The following UBE2E2 variants were observed in gnomAD, a reference collection of about 807,000 sequenced individuals.
UBE2E2 encodes the protein ubiquitin conjugating enzyme E2 E2.
Under a neutral mutation model 24.7 loss-of-function variants are expected in UBE2E2, and 6 were observed. The ratio of observed to expected loss-of-function variants is 0.24; its 90% CI spans 0.13 to 0.48. The LOEUF (loss-of-function observed/expected upper bound fraction) is 0.48. Ranked by LOEUF, UBE2E2 falls within the 20% of genes least tolerant of loss-of-function variation. The pLI, the probability that UBE2E2 is intolerant of heterozygous loss-of-function variation, is 0.99. For missense variants in UBE2E2, 169 were observed against 245.0 expected, an observed-to-expected ratio of 0.69 and a Z score of 2.07; for synonymous variants, 104 against 83.6, an observed-to-expected ratio of 1.24 and a Z score of -1.33.
intron 3 of UBE2E2, among the ~76,000 whole-genome samples, chr3:23,312,110 A>AT (rs141913025): frequency 0.048 from 7,280 of 152,190 alleles, 271 homozygotes; most frequent in Non-Finnish European, 0.072. Context: ...TCTCCTACTC[A>AT]TAACATGTGA....
chr3:23,218,932 A>G (rs1696553741), intron 3 of UBE2E2, among the ~76,000 whole-genome samples: 1 of 152,172 alleles, frequency 6.6e-6, no homozygotes, highest in Non-Finnish European at 1.5e-5. Flanking sequence ...TAGTGACATC[A>G]TTACTAGTTC....
chr3:23,264,829 A>C (rs559600827), intron 3 of UBE2E2, among the ~76,000 whole-genome samples: 1 of 152,302 alleles, frequency 6.6e-6, no homozygotes, highest in South Asian at 2.1e-4. Context: ...CATATTATTA[A>C]GCTTGCAAGT....
intron 3 of UBE2E2, among the ~76,000 whole-genome samples, chr3:23,292,075 G>T (rs1030750494): frequency 2.0e-5 from 3 of 151,926 alleles, no homozygotes; most frequent in Non-Finnish European, 2.9e-5. Context: ...AACCAGGATG[G>T]TCTTGATCTC....
intron 5 of UBE2E2, among the ~76,000 whole-genome samples, chr3:23,581,206 C>T (rs1055201309): frequency 6.6e-6 from 1 of 152,024 alleles, no homozygotes; most frequent in African/African-American, 2.4e-5. Context: ...TATAGGCATG[C>T]ACCACCACAC....
intron 3 of UBE2E2, among the ~76,000 whole-genome samples, chr3:23,398,987 AC>A (rs1260244637): frequency 1.3e-5 from 2 of 152,150 alleles, no homozygotes; most frequent in Non-Finnish European, 2.9e-5. Context: ...ATGTTCCAAG[AC>A]CCCAGTGGAT....
At chr3:23,486,559 C>CCTGAG (rs1699377140) in intron 3 of UBE2E2, among the ~76,000 whole-genome samples, 1 of 152,136 alleles carries the variant, frequency 6.6e-6, no homozygotes, top group South Asian at 2.1e-4. Flanking sequence ...GCCCATGGCT[C>CCTGAG]CTGAGCTGAC....
At chr3:23,428,407 GAAATTT>G (rs1303779385) in intron 3 of UBE2E2, among the ~76,000 whole-genome samples, 2 of 152,134 alleles carry the variant, frequency 1.3e-5, no homozygotes, top group Non-Finnish European at 2.9e-5. Flanking sequence ...TGTTTAGAAG[GAAATTT>G]AAAGCATTGA....
intron 2 of UBE2E2, among the ~76,000 whole-genome samples, chr3:23,216,850 G>C (rs1412832991): frequency 6.6e-6 from 1 of 152,150 alleles, no homozygotes; most frequent in East Asian, 1.9e-4. Context: ...GTTGGAATGA[G>C]ATCCCGAATC....
At chr3:23,567,247 A>C (rs1268945924) in intron 5 of UBE2E2, among the ~76,000 whole-genome samples, 1 of 152,202 alleles carries the variant, frequency 6.6e-6, no homozygotes, top group East Asian at 1.9e-4. Flanking sequence ...GGGATATAGT[A>C]AGAGTTTGAA....
intron 3 of UBE2E2, among the ~76,000 whole-genome samples, chr3:23,487,766 C>T (rs1435741027): frequency 1.3e-5 from 2 of 152,112 alleles, no homozygotes; most frequent in Non-Finnish European, 2.9e-5. Context: ...CTTTCTTTAC[C>T]ACCATGTTAC....
At chr3:23,327,297 A>G (rs1005845621) in intron 3 of UBE2E2, among the ~76,000 whole-genome samples, 43 of 152,190 alleles carry the variant, frequency 2.8e-4, no homozygotes, top group South Asian at 4.1e-4. Context: ...CCAACAGTGT[A>G]AAAGTGTTCC....
At chr3:23,431,860 T>C (rs939741765) in intron 3 of UBE2E2, among the ~76,000 whole-genome samples, 2 of 152,190 alleles carry the variant, frequency 1.3e-5, no homozygotes, top group Admixed American at 6.5e-5. Context: ...CAAAATATTT[T>C]CAGTAAGAAT....
chr3:23,419,845 A>G (rs1697750687), intron 3 of UBE2E2, among the ~76,000 whole-genome samples: 1 of 152,192 alleles, frequency 6.6e-6, no homozygotes, highest in African/African-American at 2.4e-5. Context: ...GCATGATACC[A>G]CATAGAATGG....
At chr3:23,491,511 G>A (rs185138384) in intron 3 of UBE2E2, among the ~76,000 whole-genome samples, 54 of 152,266 alleles carry the variant, frequency 3.5e-4, no homozygotes, top group Non-Finnish European at 4.9e-4. Flanking sequence ...AAATAGAATG[G>A]TCAGACCTAC....
At chr3:23,286,368 G>T (rs983495582) in intron 3 of UBE2E2, among the ~76,000 whole-genome samples, 2 of 152,076 alleles carry the variant, frequency 1.3e-5, no homozygotes, top group Non-Finnish European at 2.9e-5. Context: ...TTCTGCATAT[G>T]GACATCCAGT....
chr3:23,449,179 C>T (rs563487438), intron 3 of UBE2E2, among the ~76,000 whole-genome samples: 1 of 152,302 alleles, frequency 6.6e-6, no homozygotes, highest in South Asian at 2.1e-4. Flanking sequence ...ACTGTGTGTG[C>T]TGCAGCCCAA....
At chr3:23,526,382 T>C (rs1192445278) in intron 4 of UBE2E2, among the ~76,000 whole-genome samples, 3 of 152,216 alleles carry the variant, frequency 2.0e-5, no homozygotes, top group Non-Finnish European at 4.4e-5. Flanking sequence ...TCTTAAGTTA[T>C]GGTTCTAAAA....
intron 4 of UBE2E2, among the ~76,000 whole-genome samples, chr3:23,519,967 C>T (rs1001249878): frequency 5.3e-5 from 8 of 152,134 alleles, no homozygotes; most frequent in African/African-American, 1.9e-4. Context: ...CATTTCTTCT[C>T]TTCGCTATTC....
chr3:23,467,515 G>C (rs1295958341), intron 3 of UBE2E2, among the ~76,000 whole-genome samples: 1 of 152,190 alleles, frequency 6.6e-6, no homozygotes, highest in Non-Finnish European at 1.5e-5. Flanking sequence ...CTGAACATGG[G>C]CCTAACAATC....
Sources: allele counts gnomAD v4.1 joint callset (sites outside exome capture counted in the v4.1 genomes callset), GRCh38; gene constraint gnomAD v4.1.1; transcripts MANE v1.5; gene names NCBI Gene and HGNC (gene_info 2026-07-23, HGNC 2026-07-21).